MTG2: variants seen among roughly 807,000 people sequenced by gnomAD.
The protein encoded by MTG2 is mitochondrial ribosome associated GTPase 2.
Under a neutral mutation model 28.6 loss-of-function variants are expected in MTG2, and 23 were observed. The ratio of observed to expected loss-of-function variants is 0.80; its 90% CI spans 0.58 to 1.14. MTG2 has a LOEUF of 1.14. MTG2 is among the 50% of genes most tolerant of loss of function. MTG2 has a pLI of 0.00. For missense variants in MTG2, 539 were observed against 552.0 expected (o/e 0.98, Z 0.24); for synonymous variants, 260 against 251.8 (o/e 1.03, Z -0.31).
chr20:62,190,176 C>T, intron 1 of MTG2, among the ~76,000 whole-genome samples: 1 of 152,152 alleles, frequency 6.6e-6, no homozygotes, highest in East Asian at 1.9e-4. Context: ...GTCTGCACAC[C>T]TGTTAGCCTT....
In MTG2 at chr20:62,198,781, T is replaced by G; in HGVS notation, c.616T>G (p.Cys206Gly). Residue 206 changes from cysteine (C) to glycine (G), a missense_variant, in exon 5 of 7, where the codon TGT (cysteine) becomes GGT (glycine). By Grantham distance (159) the Cys-to-Gly change is radical. Coordinates refer to ENST00000370823, the MANE Select transcript of MTG2 (RefSeq NM_015666.4). ...LANNNRAPVT[C>G]TPGQPGQQRV... ...CAACAACAACCGTGCCCCTGTGACC[T>G]GTACCCCTGGACAGCCAGGACAGCA... 1.2e-6 allele frequency: 2 copies of G among 1,614,156 alleles called. No individual in the cohort carries two copies. Among genetic ancestry groups the G allele is most frequent in the South Asian group, 2.2e-5 (2 of 91,090 alleles).
At position 62,186,534 on chromosome 20, in the gene MTG2, T is replaced by G. The variant is rs1297031728; in HGVS notation, c.-6+3477T>G. ...CCCTGGGACTTTTTTTTTTGTTTTT[T>G]TTTTTTTTTTTTGAGATGGAGTCTT... On this transcript the variant is annotated intron_variant, in intron 1 of 6. Coordinates refer to ENST00000370823, the MANE Select transcript of MTG2 (RefSeq NM_015666.4). Among the ~76,000 whole-genome samples the G allele has an allele frequency of 4.4e-3, 646 of 145,952 alleles. 4 individuals carry two copies. The highest frequency in any genetic ancestry group is 0.015 in the African/African-American group (602 of 39,894).
intron 1 of MTG2, among the ~76,000 whole-genome samples, chr20:62,188,143 A>C (rs903134764): frequency 3.5e-4 from 53 of 152,050 alleles, no homozygotes; most frequent in African/African-American, 1.2e-3. Flanking sequence ...AAAAAAAAAA[A>C]AAATTCTGGT....
At chr20:62,184,785 G>T (rs1381262479) in intron 1 of MTG2, among the ~76,000 whole-genome samples, 4 of 152,178 alleles carry the variant, frequency 2.6e-5, no homozygotes, top group East Asian at 1.9e-4. Context: ...ATTACCCCTC[G>T]CAGGGTATTA....
At chr20:62,193,798 T>C (rs2058007428) in intron 2 of MTG2, 174 bp downstream of exon 2, 1 of 648,096 alleles carries the variant, frequency 1.5e-6, no homozygotes. Flanking sequence ...GCGTGCTAAA[T>C]CCCACGCTCA....
At chr20:62,198,339 C>T (rs1255060482) in intron 4 of MTG2, 6 of 542,418 alleles carry the variant, frequency 1.1e-5, no homozygotes, top group African/African-American at 5.7e-5. Flanking sequence ...TGAATTCACT[C>T]GTCTCTTAGA....
chr20:62,195,013 G>A (rs146727712), intron 2 of MTG2, among the ~76,000 whole-genome samples: 4,554 of 152,236 alleles, frequency 0.03, 101 homozygotes, highest in African/African-American at 0.061. Context: ...TGGCCAACAC[G>A]GTGAAACCCC....
At chr20:62,195,053 G>A (rs527913477) in intron 2 of MTG2, among the ~76,000 whole-genome samples, 11 of 152,308 alleles carry the variant, frequency 7.2e-5, no homozygotes, top group South Asian at 2.1e-4. Context: ...AAAACTAGCC[G>A]GGCGCAGTGG....
intron 3 of MTG2, among the ~76,000 whole-genome samples, chr20:62,196,436 A>C (rs1395332487): frequency 6.6e-6 from 1 of 151,748 alleles, no homozygotes; most frequent in Non-Finnish European, 1.5e-5. Context: ...ACTTTGGGAG[A>C]CCGAGGCGGG....
Position 62,201,121 on chromosome 20 carries a change from C to A in MTG2, c.*44C>A, listed in dbSNP as rs766731411. ...GCCTCTGGGCCTCTGTCTGAGCAAA[C>A]CTGGGTGTGAATTCGGTGGTTTTGA... On this transcript the variant is annotated 3_prime_UTR_variant, in exon 7 of 7. Coordinates refer to ENST00000370823, the MANE Select transcript of MTG2 (RefSeq NM_015666.4). 2 of 1,523,512 alleles carry A rather than the reference C, an allele frequency of 1.3e-6. No individual in the cohort carries two copies. The highest frequency in any genetic ancestry group is 4.2e-5 in the Admixed American group (2 of 47,574). 94.4% of individuals were successfully genotyped at this position (1,523,512 alleles called of 1,614,324 possible).
At chr20:62,193,058 T>A (rs949733550) in intron 1 of MTG2, among the ~76,000 whole-genome samples, 1 of 152,246 alleles carries the variant, frequency 6.6e-6, no homozygotes, top group Non-Finnish European at 1.5e-5. Context: ...TTTTAATAAA[T>A]GGGTGTTTTT....
chr20:62,186,656 G>A (rs1215911167), intron 1 of MTG2, among the ~76,000 whole-genome samples: 1 of 151,694 alleles, frequency 6.6e-6, no homozygotes, highest in African/African-American at 2.4e-5. Flanking sequence ...AGCCTCCCGA[G>A]TAGCCGGGAC....
chr20:62,183,514 A>G (rs768280113), intron 1 of MTG2, among the ~76,000 whole-genome samples: 1 of 152,276 alleles, frequency 6.6e-6, no homozygotes, highest in Non-Finnish European at 1.5e-5. Context: ...TTGGATGATA[A>G]AACAACAATA....
In MTG2 at chr20:62,200,961, G is replaced by A. The variant is rs1366793741; in HGVS notation, c.1105G>A (p.Val369Met). 12 of 1,614,014 alleles carry A rather than the reference G, an allele frequency of 7.4e-6. No individual in the cohort carries two copies. Among genetic ancestry groups the A allele is most frequent in the African/African-American group, 1.3e-5 (1 of 75,074 alleles). ...GGATCACTTGGGACAGGAGGTCATC[G>A]TGCTGTCGGCGTTGACCGGCGAGAA... Reference protein sequence around the residue: ...LRDHLGQEVIVLSALTGENLE... With the variant: ...LRDHLGQEVIMLSALTGENLE... The change falls in exon 7 of 7, where the codon GTG (valine) becomes ATG (methionine). Residue 369 changes from valine (V) to methionine (M), a missense_variant. Transcript: ENST00000370823.
In MTG2 at chr20:62,203,386, A is replaced by G. The variant is rs1387199136; in HGVS notation, c.*2309A>G. 1 of 152,246 alleles carries G rather than the reference A, an allele frequency of 6.6e-6. No individual in the cohort carries two copies. The highest frequency in any genetic ancestry group is 1.5e-5 in the Non-Finnish European group (1 of 68,038). 9.4% of individuals were successfully genotyped at this position (152,246 alleles called of 1,614,324 possible). A position where few individuals can be genotyped will look rare whatever the true frequency, so the allele number is the denominator to read the frequency against. ...CAAGACTTCTCCCTGCCACACACAC[A>G]GCTTTTGCCATCGCGTTCTAAAAGC... On this transcript the variant is annotated 3_prime_UTR_variant, in exon 7 of 7. Transcript: ENST00000370823.
chr20:62,184,161 A>C (rs2057786891), intron 1 of MTG2, among the ~76,000 whole-genome samples: 1 of 152,260 alleles, frequency 6.6e-6, no homozygotes, highest in Non-Finnish European at 1.5e-5. Context: ...GTTAAAGACC[A>C]GCCTGGCCAA....
Position 62,203,110 on chromosome 20 carries a change from G to A in MTG2, c.*2033G>A, listed in dbSNP as rs1038722467. On this transcript the variant is annotated 3_prime_UTR_variant, in exon 7 of 7. Coordinates refer to ENST00000370823, the MANE Select transcript of MTG2 (RefSeq NM_015666.4). ...CCGCCACAAAGGATTTTGTGGAGTC[G>A]CCCCAGGCCTGACGGCGTTAATTAT... The A allele has an allele frequency of 2.0e-5, 3 of 152,164 alleles. No individual in the cohort carries two copies. Among genetic ancestry groups the A allele is most frequent in the Non-Finnish European group, 4.4e-5 (3 of 68,040 alleles). The allele number at this position is 152,164 out of a possible 1,614,324, so 9.4% of individuals were successfully genotyped here.
At chr20:62,192,438 A>G (rs563404898) in intron 1 of MTG2, among the ~76,000 whole-genome samples, 30 of 152,350 alleles carry the variant, frequency 2.0e-4, no homozygotes, top group Non-Finnish European at 1.5e-4. Context: ...CTGGCCTTAC[A>G]GCACGGGGAT....
rs773782335 is a variant in MTG2 at position 62,195,806 on chromosome 20, G to C, written c.209G>C (p.Arg70Thr). 19 of 1,614,066 alleles carry C rather than the reference G, an allele frequency of 1.2e-5. No homozygotes were observed. Among genetic ancestry groups the C allele is most frequent in the Non-Finnish European group, 1.6e-5 (19 of 1,180,040 alleles). ...KKLLSEKKLK[R>T]YFVDYRRVLV... ...GGATATTTGTGTTCTCTGTAGAAAA[G>C]GTACTTTGTGGACTATCGGAGAGTG... The change falls in exon 3 of 7, where the codon AGG (arginine) becomes ACG (threonine). Residue 70 changes from arginine (R) to threonine (T), a missense_variant. Physicochemically the swap from Arg to Thr is moderately conservative, Grantham distance 71. Coordinates refer to ENST00000370823, the MANE Select transcript of MTG2 (RefSeq NM_015666.4).
Sources: gnomAD v4.1 joint callset for allele counts (sites outside exome capture counted in the v4.1 genomes callset) on GRCh38, gnomAD v4.1.1 for gene constraint, MANE v1.5 for transcripts, NCBI Gene and HGNC (gene_info 2026-07-23, HGNC 2026-07-21) for gene names.